The following FLYWCH1 variants were observed in gnomAD, a reference collection of about 807,000 sequenced individuals.
FLYWCH1 encodes the protein FLYWCH-type zinc finger-containing protein 1.
FLYWCH1 carries 75 observed loss-of-function variants against 66.4 expected under a neutral mutation model. The ratio of observed to expected loss-of-function variants is 1.13; its 90% CI spans 0.94 to 1.37. FLYWCH1 has a LOEUF of 1.37. Among genes scored for constraint, FLYWCH1 ranks in the 40% most tolerant of loss-of-function variants. FLYWCH1 has a pLI of 0.00. For missense variants in FLYWCH1, 1,334 were observed against 1,001.8 expected (o/e 1.33, Z -4.48); for synonymous variants, 595 against 429.9 (o/e 1.38, Z -4.75).
At chr16:2,932,667 T>A (rs2070808857) in intron 4 of FLYWCH1, among the ~76,000 whole-genome samples, 1 of 152,176 alleles carries the variant, frequency 6.6e-6, no homozygotes, top group African/African-American at 2.4e-5. Flanking sequence ...CATTTGAATG[T>A]ATTATACCTT....
Position 2,937,172 on chromosome 16 carries a change from A to G in FLYWCH1, c.1565A>G (p.Glu522Gly), listed in dbSNP as rs753218514. 14 of 1,609,586 alleles carry G rather than the reference A, an allele frequency of 8.7e-6. No homozygotes were observed. In the South Asian group the frequency reaches 1.5e-4, roughly 18 times the overall value. ...CTGGGGGGCAGCTTCCTGGTGTACG[A>G]GTCCTTCCTCTACCGGCGGGAGAAG... ...TPLGGSFLVY[E>G]SFLYRREKAA... Residue 522 changes from glutamate to glycine, a missense_variant, in exon 7 of 10, where the codon GAG (glutamate) becomes GGG (glycine). Physicochemically the swap from Glu to Gly is moderately conservative, Grantham distance 98 (BLOSUM62 -2). Transcript: ENST00000253928.
chr16:2,931,013 A>G, intron 4 of FLYWCH1, 133 bp downstream of exon 4: 1 of 767,044 alleles, frequency 1.3e-6, no homozygotes, highest in South Asian at 1.9e-5. Context: ...ACTTTTAAAA[A>G]TATAAATGTG....
chr16:2,942,790 G>GCACA (rs2071326391), intron 9 of FLYWCH1, among the ~76,000 whole-genome samples: 1 of 134,768 alleles, frequency 7.4e-6, no homozygotes, highest in Non-Finnish European at 1.5e-5. Context: ...GCAGTGGTGT[G>GCACA]ATCTTGGCTC....
chr16:2,928,541 C>T (rs1440709292), intron 2 of FLYWCH1, among the ~76,000 whole-genome samples: 1 of 152,212 alleles, frequency 6.6e-6, no homozygotes, highest in African/African-American at 2.4e-5. Flanking sequence ...GCCTTAAATC[C>T]ATTAAACCTT....
intron 9 of FLYWCH1, among the ~76,000 whole-genome samples, chr16:2,942,630 C>G (rs1333615137): frequency 1.8e-5 from 1 of 56,692 alleles, no homozygotes; most frequent in Non-Finnish European, 3.3e-5. Flanking sequence ...CATCAACATG[C>G]AAAACCAATT....
rs867485430 is a variant in FLYWCH1 at position 2,934,056 on chromosome 16, C to T, written c.1513+77C>T. 40 of 1,418,208 alleles carry T rather than the reference C, an allele frequency of 2.8e-5. 1 individual carries two copies. The highest frequency in any genetic ancestry group is 5.0e-4 in the Middle Eastern group (2 of 4,006). The allele number at this position is 1,418,208 out of a possible 1,614,324, so 87.9% of individuals were successfully genotyped here. ...ACACTGCCTTTCCCTCTCCATGCTG[C>T]GGCTCCCCCTGGCAAACGTCCTCTT... On this transcript the variant is annotated intron_variant, in intron 6 of 9. Transcript: ENST00000253928.
At chr16:2,926,201 A>C (rs1238527912) in intron 2 of FLYWCH1, among the ~76,000 whole-genome samples, 2 of 152,226 alleles carry the variant, frequency 1.3e-5, no homozygotes, top group African/African-American at 2.4e-5. Context: ...TATTTCAAAC[A>C]ATAGAACAAT....
chr16:2,936,912 C>G, intron 6 of FLYWCH1: 3 of 692,476 alleles, frequency 4.3e-6, no homozygotes, highest in Non-Finnish European at 7.4e-6. Context: ...AGGGGCCTCA[C>G]CTGACCAGTC....
At chr16:2,934,014 A>C in intron 6 of FLYWCH1, 35 bp downstream of exon 6, 2 of 1,488,654 alleles carry the variant, frequency 1.3e-6, no homozygotes, top group Non-Finnish European at 1.8e-6. Context: ...GGGCCCCAGG[A>C]AGCAGGCAGG....
At chr16:2,937,679 C>T (rs1175213814) in intron 7 of FLYWCH1, among the ~76,000 whole-genome samples, 5 of 152,250 alleles carry the variant, frequency 3.3e-5, no homozygotes, top group African/African-American at 7.2e-5. Flanking sequence ...CATCTGCTGA[C>T]GGGCCGTACG....
In FLYWCH1 at chr16:2,949,595, G is replaced by C. The variant is rs1218919585; in HGVS notation, c.*868G>C. On this transcript the variant is annotated 3_prime_UTR_variant, in exon 10 of 10. Coordinates refer to ENST00000253928, the MANE Select transcript of FLYWCH1 (RefSeq NM_001308068.2). Reference sequence around the variant, plus strand: ...TCCGGAGAGGCAAGATGACCCCACCGGGACTGCAGAGCCTCCTCCTTACTA... The same window carrying C: ...TCCGGAGAGGCAAGATGACCCCACCCGGACTGCAGAGCCTCCTCCTTACTA... 6.6e-6 allele frequency: 1 copy of C among 152,108 alleles called. No individual in the cohort carries two copies. Among genetic ancestry groups the C allele is most frequent in the East Asian group, 1.9e-4 (1 of 5,166 alleles). The allele number at this position is 152,108 out of a possible 1,614,324, so 9.4% of individuals were successfully genotyped here. A position where few individuals can be genotyped will look rare whatever the true frequency, so the allele number is the denominator to read the frequency against.
chr16:2,918,727 C>T (rs1021165611), intron 2 of FLYWCH1, among the ~76,000 whole-genome samples: 2 of 152,188 alleles, frequency 1.3e-5, no homozygotes, highest in Non-Finnish European at 2.9e-5. Flanking sequence ...AGGCGTGAAC[C>T]ACCGTGCCTG....
intron 7 of FLYWCH1, 139 bp downstream of exon 7, chr16:2,937,523 A>G: frequency 9.5e-7 from 1 of 1,053,144 alleles, no homozygotes; most frequent in East Asian, 3.0e-5. Context: ...CCCCAGGGGC[A>G]GGAGGCTCCA....
chr16:2,939,766 G>C, intron 8 of FLYWCH1: 1 of 388,046 alleles, frequency 2.6e-6, no homozygotes, highest in Non-Finnish European at 4.7e-6. Flanking sequence ...AGAGAAAGTT[G>C]TGCTGGAGGC....
rs140204901 is a variant in FLYWCH1, at chr16:2,919,554, G to A, written c.-74+5265G>A. 1.4e-4 allele frequency among the ~76,000 whole-genome samples: 22 copies of A among 152,112 alleles called. No homozygotes were observed. In the East Asian group the frequency reaches 4.3e-3, roughly 29 times the overall value. Reference sequence around the variant, plus strand: ...GCTGGGATTACAGGCGTGAGCCACCGCGTCTGGCCTATTTTTTGTTTCTTG... The same window carrying A: ...GCTGGGATTACAGGCGTGAGCCACCACGTCTGGCCTATTTTTTGTTTCTTG... On this transcript the variant is annotated intron_variant, in intron 2 of 9. Coordinates refer to ENST00000253928, the MANE Select transcript of FLYWCH1 (RefSeq NM_001308068.2).
At chr16:2,936,573 CGGAG>C (rs755627895) in intron 6 of FLYWCH1, 1 of 456,726 alleles carries the variant, frequency 2.2e-6, no homozygotes, top group South Asian at 1.5e-5. Flanking sequence ...TGAGCCTGCA[CGGAG>C]GAAAGGGTAT....
chr16:2,924,780 C>T lies in FLYWCH1; in HGVS notation c.-73-4833C>T, dbSNP rs538607851. 2.0e-4 allele frequency among the ~76,000 whole-genome samples: 30 copies of T among 152,332 alleles called. 1 individual carries two copies. On this transcript the variant is annotated intron_variant, in intron 2 of 9. Transcript: ENST00000253928. ...AGCATCTACCATCCAAGAGCCTGAA[C>T]GGGCAAGAGTGGGAACGGGTCCTCA...
chr16:2,930,756 C>T lies in FLYWCH1; in HGVS notation c.672C>T (p.Cys224=). The T allele has an allele frequency of 1.3e-6, 2 of 1,570,990 alleles. No individual in the cohort carries two copies. The highest frequency in any genetic ancestry group is 1.7e-6 in the Non-Finnish European group (2 of 1,163,652). Residue 224 remains cysteine, a synonymous_variant, in exon 4 of 10, where the codon TGC becomes TGT. Coordinates refer to ENST00000253928, the MANE Select transcript of FLYWCH1 (RefSeq NM_001308068.2). ...EPLEGVGPWQ[C]PEEPEPTPGL... is the part of the protein sequence containing the mutation. The stretch of plus-strand genomic sequence containing the variant: ...TGGAGGGGGTGGGCCCGTGGCAGTG[C>T]CCTGAGGAGCCCGAGCCCACTCCTG...
chr16:2,917,722 T>A (rs1187552175), intron 2 of FLYWCH1, among the ~76,000 whole-genome samples: 1 of 152,132 alleles, frequency 6.6e-6, no homozygotes, highest in Non-Finnish European at 1.5e-5. Context: ...AAAGTCTAGT[T>A]CACAGTCTAT....
Sources: gnomAD v4.1 joint callset for allele counts (sites outside exome capture counted in the v4.1 genomes callset) on GRCh38, gnomAD v4.1.1 for gene constraint, MANE v1.5 for transcripts, NCBI Gene and HGNC (gene_info 2026-07-23, HGNC 2026-07-21) for gene names.